SCIN: variants seen among roughly 807,000 people sequenced by gnomAD.
SCIN encodes adseverin.
In SCIN, 91 loss-of-function variants were observed where a neutral mutation model predicts 91.8. The ratio of observed to expected loss-of-function variants is 0.99; its 90% CI spans 0.84 to 1.18. The LOEUF (loss-of-function observed/expected upper bound fraction) is 1.18. Ranked by LOEUF, SCIN falls within the 50% of genes most tolerant of loss-of-function variation. The pLI, the probability that SCIN is intolerant of heterozygous loss-of-function variation, is 0.00. For missense variants in SCIN, 1,087 were observed against 863.9 expected, an observed-to-expected ratio of 1.26 and a Z score of -3.24; for synonymous variants, 367 against 312.6, an observed-to-expected ratio of 1.17 and a Z score of -1.84.
At chr7:12,606,130 G>A (rs111664780) in intron 4 of SCIN, among the ~76,000 whole-genome samples, 9 of 152,200 alleles carry the variant, frequency 5.9e-5, no homozygotes, top group Admixed American at 1.3e-4. Flanking sequence ...CCTGCGATGC[G>A]CCAGGCACTA....
At chr7:12,634,748 C>T (rs758671651) in intron 9 of SCIN, among the ~76,000 whole-genome samples, 14 of 152,134 alleles carry the variant, frequency 9.2e-5, no homozygotes, top group Non-Finnish European at 1.9e-4. Flanking sequence ...AGCAGATCTC[C>T]CACAAGTTGC....
chr7:12,605,063 TG>T (rs1419737650), intron 4 of SCIN, among the ~76,000 whole-genome samples: 3 of 152,140 alleles, frequency 2.0e-5, no homozygotes, highest in African/African-American at 7.2e-5. Context: ...TTTTTGTTTT[TG>T]TTTTTGAGAC....
At chr7:12,571,070 G>A (rs1278985308) in intron 1 of SCIN, 85 bp downstream of exon 1, 3 of 1,389,416 alleles carry the variant, frequency 2.2e-6, no homozygotes, top group South Asian at 1.5e-5. Flanking sequence ...AGGCGTGGGA[G>A]TAAAGGGGAC....
rs1055470124 is a variant in SCIN at position 12,655,541 on chromosome 7, A to G, written c.*2826A>G. On this transcript the variant is annotated 3_prime_UTR_variant, in exon 16 of 16. Transcript: ENST00000297029. ...ACACTCTTAATTAAATAAATTCACA[A>G]TAAAATAATCATACTTTTATCTATC... The G allele has an allele frequency of 9.2e-5, 14 of 152,216 alleles. No individual in the cohort carries two copies. Among genetic ancestry groups the G allele is most frequent in the Non-Finnish European group, 1.9e-4 (13 of 68,028 alleles). The allele number at this position is 152,216 out of a possible 1,614,324, so 9.4% of individuals were successfully genotyped here. A position where few individuals can be genotyped will look rare whatever the true frequency, so the allele number is the denominator to read the frequency against.
At chr7:12,607,422 A>G (rs1488785496) in intron 4 of SCIN, among the ~76,000 whole-genome samples, 1 of 152,210 alleles carries the variant, frequency 6.6e-6, no homozygotes, top group African/African-American at 2.4e-5. Context: ...TTCGAAAAAG[A>G]AAGTGTAAAC....
In SCIN at chr7:12,622,788, C is replaced by G. The variant is rs1350941395; in HGVS notation, c.667-13C>G. The G allele has an allele frequency of 6.3e-7, 1 of 1,596,944 alleles. No individual in the cohort carries two copies. Among genetic ancestry groups the G allele is most frequent in the Non-Finnish European group, 8.6e-7 (1 of 1,165,094 alleles). On this transcript the variant is annotated splice_polypyrimidine_tract_variant and intron_variant, in intron 4 of 15. Coordinates refer to ENST00000297029, the MANE Select transcript of SCIN (RefSeq NM_001112706.3). Reference sequence around the variant, plus strand: ...GATCTTTATCTTTGCATCCACTGCTCACTTTTTTCCAGGTCTTAGGGGAAA... The same window carrying G: ...GATCTTTATCTTTGCATCCACTGCTGACTTTTTTCCAGGTCTTAGGGGAAA...
rs770001455 is a variant in SCIN, at chr7:12,644,600, C to T, written c.1776C>T (p.Ser592=). The change falls in exon 13 of 16, where the codon TCC becomes TCT. Residue 592 remains serine (S), a synonymous_variant. Transcript: ENST00000297029. The part of the protein sequence containing the change: ...EGEEPEEFWN[S]LGGKKDYQTS... ...TTTCCACAGAGGAGTTCTGGAATTC[C>T]CTTGGAGGGAAAAAAGACTACCAGA... is the stretch of plus-strand genomic sequence containing the variant. 97 of 1,611,014 alleles carry T rather than the reference C, an allele frequency of 6.0e-5. No individual in the cohort carries two copies. In the East Asian group the frequency reaches 1.1e-3, roughly 18 times the overall value.
rs372123782 is a variant in SCIN at position 12,615,704 on chromosome 7, T to A, written c.667-7097T>A. Among the ~76,000 whole-genome samples, 159 of 150,684 alleles carry A rather than the reference T, an allele frequency of 1.1e-3. No homozygotes were observed. The Middle Eastern group carries it at 0.017, about 16-fold the overall frequency. On this transcript the variant is annotated intron_variant, in intron 4 of 15. Coordinates refer to ENST00000297029, the MANE Select transcript of SCIN (RefSeq NM_001112706.3). ...GGTTTAGGGTAATTGAGGTACACAT[T>A]TTTTTTTGGAAAGAATATACATTTT...
chr7:12,578,217 A>C lies in SCIN; in HGVS notation c.353A>C (p.Lys118Thr). The C allele has an allele frequency of 6.5e-7, 1 of 1,545,270 alleles. No individual in the cohort carries two copies. Among genetic ancestry groups the C allele is most frequent in the Non-Finnish European group, 8.7e-7 (1 of 1,144,086 alleles). ...VSYFKGGLKYKAGGVASGLNH... is the reference protein window; with the variant it reads ...VSYFKGGLKYTAGGVASGLNH... Reference sequence around the variant, plus strand: ...TATTTCAAAGGCGGTCTGAAATACAAGGTAAGCAGCTCCCTCAGTTTCCAT... The same window carrying C: ...TATTTCAAAGGCGGTCTGAAATACACGGTAAGCAGCTCCCTCAGTTTCCAT... Residue 118 changes from lysine to threonine, a missense_variant and splice_region_variant, in exon 2 of 16, where the codon AAG (lysine) becomes ACG (threonine). Lys to Thr is a moderately conservative substitution (Grantham distance 78). Transcript: ENST00000297029.
intron 10 of SCIN, among the ~76,000 whole-genome samples, chr7:12,636,384 T>A (rs1023144639): frequency 6.6e-6 from 1 of 152,098 alleles, no homozygotes; most frequent in South Asian, 2.1e-4. Context: ...ATCTTCCCAA[T>A]AGAATCACAC....
rs186225993 is a variant in SCIN, at chr7:12,643,290, T to G, written c.1582-848T>G. Among the ~76,000 whole-genome samples, 414 of 152,312 alleles carry G rather than the reference T, an allele frequency of 2.7e-3. 8 individuals carry two copies. The highest frequency in any genetic ancestry group is 1.6e-3 in the Non-Finnish European group (110 of 68,028). On this transcript the variant is annotated intron_variant, in intron 11 of 15. Coordinates refer to ENST00000297029, the MANE Select transcript of SCIN (RefSeq NM_001112706.3). Reference sequence around the variant, plus strand: ...GCTAAGGCTTTATAAAGATTCTGTTTTAGATCTCATTTCCTGATCTCACAC... The same window carrying G: ...GCTAAGGCTTTATAAAGATTCTGTTGTAGATCTCATTTCCTGATCTCACAC...
intron 1 of SCIN, among the ~76,000 whole-genome samples, chr7:12,575,766 G>C (rs949966522): frequency 4.6e-5 from 7 of 151,836 alleles, no homozygotes; most frequent in African/African-American, 1.7e-4. Flanking sequence ...GATTCGTAGG[G>C]GAAAACTAAA....
intron 10 of SCIN, among the ~76,000 whole-genome samples, chr7:12,637,303 G>T (rs2529780): frequency 6.6e-6 from 1 of 152,064 alleles, no homozygotes; most frequent in Admixed American, 6.6e-5. Context: ...GTAAACATGC[G>T]TAAGTTATGT....
rs1203972557 is a variant in SCIN at position 12,656,032 on chromosome 7, T to C, written c.*3317T>C. 6.6e-6 allele frequency: 1 copy of C among 152,200 alleles called. No individual in the cohort carries two copies. Among genetic ancestry groups the C allele is most frequent in the African/African-American group, 2.4e-5 (1 of 41,448 alleles). The allele number at this position is 152,200 out of a possible 1,614,324, so 9.4% of individuals were successfully genotyped here. On this transcript the variant is annotated 3_prime_UTR_variant, in exon 16 of 16. Coordinates refer to ENST00000297029, the MANE Select transcript of SCIN (RefSeq NM_001112706.3). ...GCCTTGGTGAGCCATTTAGATCCTC[T>C]GTATCTTCTCAAGCACAATCCTCAG...
chr7:12,578,638 G>C (rs1321815699), intron 2 of SCIN, among the ~76,000 whole-genome samples: 4 of 151,726 alleles, frequency 2.6e-5, no homozygotes, highest in Non-Finnish European at 2.9e-5. Flanking sequence ...CAGTTGTTCT[G>C]GAATATATTA....
chr7:12,651,033 T>C lies in SCIN; in HGVS notation c.1960-808T>C, dbSNP rs1784068679. Among the ~76,000 whole-genome samples the C allele has an allele frequency of 6.6e-6, 1 of 152,190 alleles. No homozygotes were observed. Among genetic ancestry groups the C allele is most frequent in the African/African-American group, 2.4e-5 (1 of 41,440 alleles). On this transcript the variant is annotated intron_variant, in intron 14 of 15. Transcript: ENST00000297029. This position sits in a 1 kb window ranked among gnomAD's most constrained non-coding sequence, Gnocchi z 5.9. ...TAAAAATCAGTTGATAAAGGGCAGA[T>C]TAATAGGAGAAAAGGCATACAAATA...
chr7:12,626,896 C>T, intron 8 of SCIN, 97 bp downstream of exon 8: 3 of 1,090,790 alleles, frequency 2.8e-6, no homozygotes, highest in Non-Finnish European at 4.0e-6. Context: ...TCGAGATCAG[C>T]CTGGCCAACA....
intron 2 of SCIN, among the ~76,000 whole-genome samples, chr7:12,578,914 T>TTTTTTTTTTTTTTTG: frequency 1.4e-5 from 2 of 142,414 alleles, no homozygotes; most frequent in African/African-American, 2.7e-5. Flanking sequence ...GACAGGTTTT[T>TTTTTTTTTTTTTTTG]TTTTTTTTTT....
intron 3 of SCIN, among the ~76,000 whole-genome samples, chr7:12,584,398 C>T (rs768331240): frequency 2.6e-5 from 4 of 152,128 alleles, no homozygotes; most frequent in African/African-American, 4.8e-5. Flanking sequence ...TGGATATAAC[C>T]TAAATCCCAT....
Sources: gnomAD v4.1 joint callset for allele counts (sites outside exome capture counted in the v4.1 genomes callset) on GRCh38, gnomAD v4.1.1 for gene constraint, Gnocchi (gnomAD v3.1) non-coding constraint, MANE v1.5 for transcripts, NCBI Gene and HGNC (gene_info 2026-07-23, HGNC 2026-07-21) for gene names.